The following PRPF18 variants were observed in gnomAD, a reference collection of about 807,000 sequenced individuals.
The protein encoded by PRPF18 is pre-mRNA-splicing factor 18.
PRPF18 carries 38 observed loss-of-function variants against 46.5 expected under a neutral mutation model. The observed-to-expected ratio is 0.82, with a 90% CI of 0.63 to 1.07. The LOEUF (loss-of-function observed/expected upper bound fraction) is 1.07, where lower values mean the gene tolerates loss of function less well. Ranked by LOEUF, PRPF18 falls within the 50% of genes least tolerant of loss-of-function variation. PRPF18 has a pLI of 0.00. For missense variants in PRPF18, 263 were observed against 410.0 expected (o/e 0.64, Z 3.10); for synonymous variants, 152 against 146.7 (o/e 1.04, Z -0.26).
Position 13,600,388 on chromosome 10 carries a change from C to T in PRPF18, c.249+40C>T, listed in dbSNP as rs751936443. ...GATGGTTTCATGAGAATAAGATCTC[C>T]ACGGTGTTTACATTTATCTCCAGCT... On this transcript the variant is annotated intron_variant, in intron 3 of 9. Transcript: ENST00000378572. The T allele has an allele frequency of 1.7e-5, 25 of 1,447,166 alleles. 1 individual carries two copies. The highest frequency in any genetic ancestry group is 2.4e-5 in the South Asian group (2 of 82,704). The allele number at this position is 1,447,166 out of a possible 1,614,324, so 89.6% of individuals were successfully genotyped here.
intron 9 of PRPF18, among the ~76,000 whole-genome samples, chr10:13,626,032 G>A (rs1432233365): frequency 6.6e-6 from 1 of 152,218 alleles, no homozygotes; most frequent in Non-Finnish European, 1.5e-5. Flanking sequence ...TTTTGTAAGT[G>A]GGGAAGAGGC....
At position 13,600,260 on chromosome 10, in the gene PRPF18, A is replaced by G; in HGVS notation, c.161A>G (p.Glu54Gly). The change falls in exon 3 of 10, where the codon GAG becomes GGG. Residue 54 changes from glutamate to glycine, a missense_variant. Glu to Gly is a moderately conservative substitution (Grantham distance 98). This residue lies in a region of PRPF18 where 71 missense variants were observed against 69.2 expected (regional missense o/e 1.03). Transcript: ENST00000378572. ...TTAATATAGATACAGCCAAAAGAGG[A>G]GGACCAGAAACCATTAACTTCATCG... ...RCGYKIQPKE[E>G]DQKPLTSSNP... The G allele has an allele frequency of 6.2e-7, 1 of 1,609,850 alleles. No homozygotes were observed. The highest frequency in any genetic ancestry group is 8.5e-7 in the Non-Finnish European group (1 of 1,178,114).
At chr10:13,606,176 G>GT (rs1361528481) in intron 4 of PRPF18, among the ~76,000 whole-genome samples, 4 of 152,052 alleles carry the variant, frequency 2.6e-5, no homozygotes, top group Non-Finnish European at 4.4e-5. Flanking sequence ...AATTTCCCCA[G>GT]TACCCCTTCT....
At chr10:13,629,685 T>G (rs894857127) in intron 9 of PRPF18, among the ~76,000 whole-genome samples, 3 of 152,238 alleles carry the variant, frequency 2.0e-5, no homozygotes, top group Non-Finnish European at 4.4e-5. Context: ...GCTTTTTACT[T>G]TCGACATTGC....
chr10:13,595,126 C>T (rs1320796020), intron 1 of PRPF18, among the ~76,000 whole-genome samples: 2 of 151,940 alleles, frequency 1.3e-5, no homozygotes, highest in South Asian at 2.1e-4. Flanking sequence ...TGCCAGTAGT[C>T]CCCCTTCCCA....
the PRPF18 span, chr10:13,641,242 AAG>A: frequency 6.6e-6 from 1 of 152,356 alleles, no homozygotes; most frequent in South Asian, 2.1e-4. Flanking sequence ...GCTGATGAAA[AAG>A]AAAGCTTGGA....
In PRPF18 at chr10:13,605,651, A is replaced by T; in HGVS notation, c.270A>T (p.Glu90Asp). ...TGTAGGTCATCAGAAGATTGAGAGA[A>T]AGAGGAGAACCAATCAGACTATTTG... is the stretch of plus-strand genomic sequence containing the variant. ...SRQEVIRRLR[E>D]RGEPIRLFGE... The change falls in exon 4 of 10, where the codon GAA becomes GAT. Residue 90 changes from glutamate (E) to aspartate (D), a missense_variant. Around this residue, in one of 4 missense-constraint regions of PRPF18, gnomAD observed 155 missense variants for 245.1 expected, o/e 0.63. Coordinates refer to ENST00000378572, the MANE Select transcript of PRPF18 (RefSeq NM_003675.4). The T allele has an allele frequency of 1.2e-6, 2 of 1,610,092 alleles. No individual in the cohort carries two copies. Among genetic ancestry groups the T allele is most frequent in the Non-Finnish European group, 1.7e-6 (2 of 1,178,766 alleles).
downstream of PRPF18, chr10:13,631,795 A>T (rs1180849870): frequency 6.6e-6 from 1 of 152,202 alleles, no homozygotes; most frequent in Non-Finnish European, 1.5e-5. Context: ...AGGGCCGGGG[A>T]TGTGGTGGAA....
At chr10:13,591,350 A>G in intron 1 of PRPF18, 1 of 399,512 alleles carries the variant, frequency 2.5e-6, no homozygotes, top group Non-Finnish European at 4.5e-6. Flanking sequence ...TATGTATGTG[A>G]AAAAAGTTTT....
At chr10:13,608,328 G>A (rs2080219805) in intron 4 of PRPF18, among the ~76,000 whole-genome samples, 1 of 152,180 alleles carries the variant, frequency 6.6e-6, no homozygotes, top group South Asian at 2.1e-4. Flanking sequence ...CCCTTTCCTG[G>A]CGTCTCAGTT....
intron 4 of PRPF18, among the ~76,000 whole-genome samples, chr10:13,606,182 C>A (rs1012997154): frequency 1.3e-5 from 2 of 152,182 alleles, no homozygotes; most frequent in African/African-American, 4.8e-5. Context: ...CCCAGTACCC[C>A]TTCTCAGCCT....
At chr10:13,633,146 T>A (rs2080605124), downstream of PRPF18, among the ~76,000 whole-genome samples, 1 of 152,244 alleles carries the variant, frequency 6.6e-6, no homozygotes, top group East Asian at 1.9e-4. Flanking sequence ...AGGCCAAAGA[T>A]AATTGACATG....
the PRPF18 span, among the ~76,000 whole-genome samples, chr10:13,649,814 A>G: frequency 6.6e-6 from 1 of 152,218 alleles, no homozygotes; most frequent in African/African-American, 2.4e-5. Context: ...ACCCTTAGGA[A>G]GCATTTATTC....
At chr10:13,598,038 C>G (rs1034513208) in intron 2 of PRPF18, among the ~76,000 whole-genome samples, 5 of 152,014 alleles carry the variant, frequency 3.3e-5, no homozygotes, top group African/African-American at 1.2e-4. Context: ...GAACCTCTGC[C>G]TAAAGTATAA....
At chr10:13,636,930 C>T in the PRPF18 span, 6 of 152,194 alleles carry the variant, frequency 3.9e-5, no homozygotes, top group African/African-American at 1.4e-4. Context: ...CCCCGTTTGC[C>T]TGTGTTTAAC....
intron 4 of PRPF18, among the ~76,000 whole-genome samples, chr10:13,609,439 C>G (rs554579762): frequency 3.9e-4 from 59 of 152,340 alleles, no homozygotes; most frequent in African/African-American, 1.4e-3. Context: ...ATAGCCGCCT[C>G]ACAGCCATGT....
At chr10:13,597,420 A>T in intron 1 of PRPF18, 38 bp from the exon 2 acceptor site, 1 of 1,444,208 alleles carries the variant, frequency 6.9e-7, no homozygotes, top group Non-Finnish European at 9.4e-7. Context: ...AATTTTGCTC[A>T]AGGATATATT....
chr10:13,650,622 C>T, the PRPF18 span, among the ~76,000 whole-genome samples: 2 of 152,292 alleles, frequency 1.3e-5, no homozygotes, highest in South Asian at 4.1e-4. Context: ...ATCACCCTGG[C>T]ACTGGGGCTG....
chr10:13,605,438 T>C (rs1409161959), intron 3 of PRPF18, among the ~76,000 whole-genome samples, 193 bp from the exon 4 acceptor site: 1 of 151,734 alleles, frequency 6.6e-6, no homozygotes, highest in Non-Finnish European at 1.5e-5. Flanking sequence ...AAAAGTTAGC[T>C]GGGTGTGGTG....
Sources: allele counts gnomAD v4.1 joint callset (sites outside exome capture counted in the v4.1 genomes callset), GRCh38; gene constraint gnomAD v4.1.1; regional missense constraint gnomAD v4.1.1; transcripts MANE v1.5; gene names NCBI Gene and HGNC (gene_info 2026-07-23, HGNC 2026-07-21).